PLCE1: variants seen among roughly 807,000 people sequenced by gnomAD.
PLCE1 encodes the protein 1-phosphatidylinositol 4,5-bisphosphate phosphodiesterase epsilon-1.
Under a neutral mutation model 242.8 loss-of-function variants are expected in PLCE1, and 119 were observed. The ratio of observed to expected loss-of-function variants is 0.49; its 90% CI spans 0.42 to 0.57. The LOEUF is 0.57. Ranked by LOEUF, PLCE1 falls within the 20% of genes least tolerant of loss-of-function variation. PLCE1 has a pLI of 0.00. For missense variants in PLCE1, 2,441 were observed against 2,788.8 expected (o/e 0.88, Z 2.81); for synonymous variants, 945 against 1,017.4 (o/e 0.93, Z 1.35).
At chr10:94,058,887 A>G (rs1033008202) in intron 2 of PLCE1, among the ~76,000 whole-genome samples, 1 of 152,206 alleles carries the variant, frequency 6.6e-6, no homozygotes, top group Admixed American at 6.5e-5. Flanking sequence ...AAACCAAAAA[A>G]TAAAAATCAC....
Position 94,316,541 on chromosome 10 carries a change from C to A in PLCE1, c.6133-6C>A. On this transcript the variant is annotated splice_region_variant and splice_polypyrimidine_tract_variant and intron_variant, in intron 28 of 32. Transcript: ENST00000371380. Reference sequence around the variant, plus strand: ...ACTCCTCAGTTTGCCTTCACTTTTTCTTTAGATTCTGACAAATGAACAAGA... The same window carrying A: ...ACTCCTCAGTTTGCCTTCACTTTTTATTTAGATTCTGACAAATGAACAAGA... 1.3e-6 allele frequency: 2 copies of A among 1,598,354 alleles called. No homozygotes were observed. The highest frequency in any genetic ancestry group is 2.2e-5 in the South Asian group (2 of 90,588).
chr10:94,018,811 A>G (rs760419034), intron 1 of PLCE1, among the ~76,000 whole-genome samples: 9 of 152,224 alleles, frequency 5.9e-5, no homozygotes, highest in Non-Finnish European at 1.3e-4. Context: ...CTAAGCACCC[A>G]GTAAACTTGT....
At chr10:94,286,394 G>A (rs1385634822) in intron 22 of PLCE1, among the ~76,000 whole-genome samples, 1 of 152,148 alleles carries the variant, frequency 6.6e-6, no homozygotes, top group Non-Finnish European at 1.5e-5. Flanking sequence ...TACCAGGGAG[G>A]CTGAGCAGGA....
chr10:94,296,102 C>T (rs35084709), intron 23 of PLCE1, among the ~76,000 whole-genome samples: 22,550 of 152,070 alleles, frequency 0.15, 1,792 homozygotes, highest in Middle Eastern at 0.27. Context: ...GTGGCTCATG[C>T]CTGTAATCCC....
intron 4 of PLCE1, among the ~76,000 whole-genome samples, chr10:94,196,384 G>A (rs2048822051): frequency 6.6e-6 from 1 of 152,186 alleles, no homozygotes; most frequent in African/African-American, 2.4e-5. Context: ...TGTCACAGCT[G>A]GGTAGTGCCC....
At chr10:94,193,907 T>A (rs886617291) in intron 4 of PLCE1, among the ~76,000 whole-genome samples, 2 of 152,218 alleles carry the variant, frequency 1.3e-5, no homozygotes, top group Non-Finnish European at 2.9e-5. Flanking sequence ...AACCAATGGA[T>A]GAGATAAGCA....
chr10:94,012,621 C>T lies in PLCE1; in HGVS notation c.-364-18062C>T, dbSNP rs193064053. Among the ~76,000 whole-genome samples, 49 of 152,280 alleles carry T rather than the reference C, an allele frequency of 3.2e-4. 1 individual carries two copies. The highest frequency in any genetic ancestry group is 3.0e-3 in the Admixed American group (46 of 15,302). On this transcript the variant is annotated intron_variant, in intron 1 of 32. Transcript: ENST00000371380. ...CTCACAGGGCAGGGCAGTGCAGCAG[C>T]TGCATCAGTGCTGACAGAGGTGCTG... is the stretch of plus-strand genomic sequence containing the variant.
chr10:94,310,808 T>G (rs1007776176), intron 27 of PLCE1, among the ~76,000 whole-genome samples: 5 of 152,126 alleles, frequency 3.3e-5, no homozygotes, highest in Non-Finnish European at 7.4e-5. Context: ...ACATTTCAGT[T>G]CAATTCTAAC....
intron 4 of PLCE1, among the ~76,000 whole-genome samples, chr10:94,176,324 T>C (rs543235945): frequency 7.2e-5 from 11 of 152,250 alleles, no homozygotes; most frequent in Non-Finnish European, 1.3e-4. Flanking sequence ...TGCCTGATCC[T>C]GGGAGGTCGA....
chr10:94,313,116 C>G (rs1325231435), intron 27 of PLCE1, 138 bp from the exon 28 acceptor site: 11 of 936,294 alleles, frequency 1.2e-5, no homozygotes, highest in Admixed American at 7.5e-5. Flanking sequence ...ATTTGTAGCA[C>G]TAGGCTACAA....
At chr10:94,304,688 GCCTT>G in intron 25 of PLCE1, 43 bp downstream of exon 25, 3 of 1,599,332 alleles carry the variant, frequency 1.9e-6, no homozygotes, top group Non-Finnish European at 2.6e-6. Context: ...TCGGGTTTAA[GCCTT>G]CCTGAAAACG....
rs2047672584 is a variant in PLCE1, at chr10:94,163,107, T to TG, written c.1493-8071dup. ...GGTCAATTTTGGAATAGGTGTGGTG[T>TG]GGTGCTGAAAAGAATGTATATTCTG... is the stretch of plus-strand genomic sequence containing the variant. On this transcript the variant is annotated intron_variant, in intron 3 of 32. Coordinates refer to ENST00000371380, the MANE Select transcript of PLCE1 (RefSeq NM_016341.4). Among the ~76,000 whole-genome samples the TG allele has an allele frequency of 3.9e-5, 6 of 152,184 alleles. No homozygotes were observed. In the South Asian group the frequency reaches 1.2e-3, roughly 32 times the overall value.
intron 3 of PLCE1, among the ~76,000 whole-genome samples, chr10:94,169,257 A>T (rs1214447847): frequency 1.3e-5 from 2 of 152,228 alleles, no homozygotes; most frequent in African/African-American, 4.8e-5. Context: ...ACTGTGGGTT[A>T]CCTGGTATAG....
intron 3 of PLCE1, among the ~76,000 whole-genome samples, chr10:94,151,624 G>T (rs74151075): frequency 2.0e-5 from 3 of 152,108 alleles, no homozygotes; most frequent in Non-Finnish European, 4.4e-5. Context: ...GCTTAACTGC[G>T]ATGGTTACAG....
At chr10:94,042,563 G>A (rs1163257908) in intron 2 of PLCE1, among the ~76,000 whole-genome samples, 1 of 152,126 alleles carries the variant, frequency 6.6e-6, no homozygotes, top group Non-Finnish European at 1.5e-5. Context: ...CTTATTAAAT[G>A]TGCAAATGTT....
chr10:94,238,623 T>C (rs1185022287), intron 7 of PLCE1, among the ~76,000 whole-genome samples: 1 of 152,212 alleles, frequency 6.6e-6, no homozygotes, highest in Non-Finnish European at 1.5e-5. Context: ...AATTACTTTT[T>C]TATTTACCAG....
At chr10:94,136,563 A>G (rs996911929) in intron 3 of PLCE1, among the ~76,000 whole-genome samples, 3 of 152,132 alleles carry the variant, frequency 2.0e-5, no homozygotes, top group Non-Finnish European at 2.9e-5. Context: ...GTACTAGGCG[A>G]AAATAGAAGG....
intron 27 of PLCE1, among the ~76,000 whole-genome samples, chr10:94,312,833 A>G (rs1208531776): frequency 1.3e-5 from 2 of 152,250 alleles, no homozygotes; most frequent in African/African-American, 4.8e-5. Flanking sequence ...TCTAACAGAT[A>G]TATGTTTGCA....
chr10:94,006,814 G>A (rs879336970), intron 1 of PLCE1, among the ~76,000 whole-genome samples: 5 of 152,182 alleles, frequency 3.3e-5, no homozygotes, highest in East Asian at 1.9e-4. Flanking sequence ...TGGAATGAAG[G>A]CTCAAAATGA....
Sources: gnomAD v4.1 joint callset for allele counts (sites outside exome capture counted in the v4.1 genomes callset) on GRCh38, gnomAD v4.1.1 for gene constraint, MANE v1.5 for transcripts, NCBI Gene and HGNC (gene_info 2026-07-23, HGNC 2026-07-21) for gene names.